The following DYSF variants were observed in gnomAD, a reference collection of about 807,000 sequenced individuals.
DYSF encodes the protein dysferlin, also known as dystrophy-associated fer-1-like 1.
DYSF carries 212 observed loss-of-function variants against 274.9 expected under a neutral mutation model. That is an observed-to-expected ratio of 0.77 (90% CI 0.69 to 0.86). The LOEUF is 0.86. Among genes scored for constraint, DYSF ranks in the 40% least tolerant of loss-of-function variants. The pLI is 0.00. For synonymous variants in DYSF, 1,091 were observed against 1,078.7 expected (o/e 1.01, Z -0.22); for missense variants, 2,666 against 2,783.2 (o/e 0.96, Z 0.95).
chr2:71,674,403 T>G (rs1248754210), intron 52 of DYSF, 107 bp downstream of exon 52: 1 of 1,074,320 alleles, frequency 9.3e-7, no homozygotes, highest in Non-Finnish European at 1.4e-6. Context: ...GCAGGAGGAG[T>G]GATCCCACTT....
chr2:71,465,309 TCA>T (rs2081461425), upstream of DYSF, among the ~76,000 whole-genome samples: 1 of 152,078 alleles, frequency 6.6e-6, no homozygotes, highest in Non-Finnish European at 1.5e-5. Flanking sequence ...AGGAGAGAAC[TCA>T]CAGGATTTGG....
intron 1 of DYSF, among the ~76,000 whole-genome samples, chr2:71,474,081 C>T (rs1206013860): frequency 6.6e-6 from 1 of 152,056 alleles, no homozygotes; most frequent in Admixed American, 6.6e-5. Context: ...CATGTGCCAC[C>T]ACGCCTGGCT....
intron 30 of DYSF, 71 bp from the exon 31 acceptor site, chr2:71,589,522 C>T (rs2093185614): frequency 8.0e-7 from 1 of 1,245,830 alleles, no homozygotes; most frequent in Non-Finnish European, 1.2e-6. Flanking sequence ...GGATCTAACT[C>T]TCTGGGCTAG....
intron 10 of DYSF, among the ~76,000 whole-genome samples, chr2:71,519,226 CTA>C (rs1260300224): frequency 2.0e-5 from 3 of 149,190 alleles, no homozygotes; most frequent in Admixed American, 1.3e-4. Flanking sequence ...AGATAAAAAA[CTA>C]AGTCTGTTTA....
chr2:71,624,515 A>G (rs955138996), intron 41 of DYSF, among the ~76,000 whole-genome samples: 1 of 152,204 alleles, frequency 6.6e-6, no homozygotes, highest in Non-Finnish European at 1.5e-5. Context: ...CTGTGGCATG[A>G]TAATTATTGT....
chr2:71,490,370 G>A (rs576067794), intron 3 of DYSF, among the ~76,000 whole-genome samples: 4 of 152,096 alleles, frequency 2.6e-5, no homozygotes, highest in Admixed American at 1.3e-4. Context: ...ACAGAGTTTC[G>A]CTCTCGTTGC....
At chr2:71,595,604 C>G (rs1028129423) in intron 32 of DYSF, among the ~76,000 whole-genome samples, 2 of 152,200 alleles carry the variant, frequency 1.3e-5, no homozygotes, top group Non-Finnish European at 2.9e-5. Flanking sequence ...GCCCGAACAG[C>G]CTGGTGCAGG....
chr2:71,493,061 ATT>A (rs11441329), intron 3 of DYSF, among the ~76,000 whole-genome samples: 1 of 151,092 alleles, frequency 6.6e-6, no homozygotes, highest in East Asian at 1.9e-4. Flanking sequence ...TAATATATAT[ATT>A]TTTTTTGTAG....
intron 41 of DYSF, among the ~76,000 whole-genome samples, chr2:71,638,615 G>A (rs1358900705): frequency 6.6e-6 from 1 of 152,114 alleles, no homozygotes; most frequent in Non-Finnish European, 1.5e-5. Context: ...CTTTCACTTA[G>A]CATAAGGTTT....
At chr2:71,665,479 G>A (rs2094981992) in intron 47 of DYSF, among the ~76,000 whole-genome samples, 175 bp downstream of exon 47, 1 of 152,170 alleles carries the variant, frequency 6.6e-6, no homozygotes. Flanking sequence ...TTGAGGATCA[G>A]TACTGACCTG....
chr2:71,551,775 C>A, intron 19 of DYSF, 55 bp downstream of exon 19: 1 of 1,437,352 alleles, frequency 7.0e-7, no homozygotes, highest in Admixed American at 1.9e-5. Flanking sequence ...AAGGGATGGC[C>A]AGGCTGGGAC....
At chr2:71,534,549 G>A (rs2089101750) in intron 14 of DYSF, among the ~76,000 whole-genome samples, 2 of 152,190 alleles carry the variant, frequency 1.3e-5, no homozygotes, top group South Asian at 4.1e-4. Context: ...TCTGACCTCT[G>A]TGCATGGCTC....
At chr2:71,507,975 G>A (rs1211952937) in intron 4 of DYSF, among the ~76,000 whole-genome samples, 1 of 152,132 alleles carries the variant, frequency 6.6e-6, no homozygotes, top group Admixed American at 6.5e-5. Context: ...TTGGAATAAG[G>A]GGCTCTGCAT....
intron 12 of DYSF, among the ~76,000 whole-genome samples, chr2:71,523,597 A>T (rs887165751): frequency 7.3e-6 from 1 of 136,860 alleles, no homozygotes; most frequent in Non-Finnish European, 1.5e-5. Context: ...CCCAGGCTGG[A>T]GTGCCATGGT....
intron 7 of DYSF, 118 bp downstream of exon 7, chr2:71,514,039 T>A (rs2086388543): frequency 8.5e-7 from 1 of 1,182,958 alleles, no homozygotes; most frequent in Admixed American, 2.0e-5. Flanking sequence ...CTCAGGGCCC[T>A]CCTGTGGGGG....
At chr2:71,625,233 TTCTC>T (rs201027507) in intron 41 of DYSF, among the ~76,000 whole-genome samples, 2,399 of 152,176 alleles carry the variant, frequency 0.016, 53 homozygotes, top group African/African-American at 0.055. Flanking sequence ...CTTTATCTCT[TTCTC>T]TCTCTCTTGT....
rs750397218 is a variant in DYSF, at chr2:71,598,720, T to G, written c.3731T>G (p.Val1244Gly). The change falls in exon 33 of 56, where the codon GTG becomes GGG. Residue 1244 changes from valine (V) to glycine (G), a missense_variant. Coordinates refer to ENST00000410020, the MANE Select transcript of DYSF (RefSeq NM_001130987.2). The part of the protein sequence containing the change: ...TVAEQPPSIV[V>G]ELYDHDTYGA... ...GCTGAGCAACCGCCCAGCATTGTGG[T>G]GGAGCTGTACGACCATGACACTTAT... 5 of 1,613,436 alleles carry G rather than the reference T, an allele frequency of 3.1e-6. No individual in the cohort carries two copies. The Admixed American group carries it at 8.3e-5, about 27-fold the overall frequency.
At chr2:71,664,466 T>G in intron 46 of DYSF, 28 bp downstream of exon 46, 1 of 1,612,862 alleles carries the variant, frequency 6.2e-7, no homozygotes, top group Non-Finnish European at 8.5e-7. Flanking sequence ...GGCTGCCTGC[T>G]TCTCTGACAA....
chr2:71,633,648 G>A (rs866867041), intron 41 of DYSF, among the ~76,000 whole-genome samples: 15 of 152,212 alleles, frequency 9.9e-5, no homozygotes, highest in African/African-American at 3.6e-4. Context: ...TCTATCTCTG[G>A]GTTGACATAG....
Sources: allele counts gnomAD v4.1 joint callset (sites outside exome capture counted in the v4.1 genomes callset), GRCh38; gene constraint gnomAD v4.1.1; transcripts MANE v1.5; gene names NCBI Gene and HGNC (gene_info 2026-07-23, HGNC 2026-07-21).